Variants in FHOD3 observed in about 807,000 individuals in gnomAD.
The protein encoded by FHOD3 is formin homology 2 domain containing 3, also known as FH1/FH2 domain-containing protein 3.
A neutral mutation model predicts 173.0 loss-of-function variants in FHOD3; 90 were observed. The observed-to-expected ratio is 0.52, with a 90% CI of 0.44 to 0.62. The LOEUF is 0.62. Among genes scored for constraint, FHOD3 ranks in the 20% least tolerant of loss-of-function variants. The pLI, the probability that FHOD3 is intolerant of heterozygous loss-of-function variation, is 0.00. For missense variants in FHOD3, 1,945 were observed against 2,034.7 expected (o/e 0.96, Z 0.85); for synonymous variants, 828 against 823.0 (o/e 1.01, Z -0.10).
At chr18:36,338,302 A>G (rs562002514) in intron 1 of FHOD3, among the ~76,000 whole-genome samples, 1 of 152,258 alleles carries the variant, frequency 6.6e-6, no homozygotes, top group South Asian at 2.1e-4. Context: ...TGTGCTTGGA[A>G]TGGAGGGCAG....
chr18:36,371,178 C>G (rs1165265217), intron 2 of FHOD3, among the ~76,000 whole-genome samples: 1 of 152,196 alleles, frequency 6.6e-6, no homozygotes, highest in African/African-American at 2.4e-5. Context: ...AATGCAGACT[C>G]TACTTGAAGC....
intron 3 of FHOD3, among the ~76,000 whole-genome samples, chr18:36,494,503 C>T (rs1051755444): frequency 6.6e-6 from 1 of 152,306 alleles, no homozygotes; most frequent in Middle Eastern, 3.4e-3. Context: ...TGAGTATACC[C>T]CAGGCAGATT....
At chr18:36,641,199 G>A (rs9949043) in intron 10 of FHOD3, among the ~76,000 whole-genome samples, 10,789 of 152,238 alleles carry the variant, frequency 0.071, 665 homozygotes, top group East Asian at 0.24. Context: ...TGGAGAAACA[G>A]AGCAGGAAAA....
chr18:36,361,331 T>C (rs1457936349), intron 2 of FHOD3, among the ~76,000 whole-genome samples: 2 of 152,152 alleles, frequency 1.3e-5, no homozygotes, highest in Non-Finnish European at 2.9e-5. Flanking sequence ...CCAGAACTGC[T>C]GATCTCTAGG....
At position 36,709,262 on chromosome 18, in the gene FHOD3, A is replaced by C; in HGVS notation, c.2404A>C (p.Ser802Arg). 1.2e-6 allele frequency: 2 copies of C among 1,614,248 alleles called. No individual in the cohort carries two copies. The highest frequency in any genetic ancestry group is 1.6e-4 in the Middle Eastern group (1 of 6,062). ...AGAGCCGGAAGAAAGAGCCTCCCTC[A>C]GTGAAAAAGAGAGGCAGAACGAGGG... Reference protein sequence around the residue: ...EQEPEERASLSEKERQNEGVN... With the variant: ...EQEPEERASLREKERQNEGVN... The change falls in exon 18 of 29, where the codon AGT becomes CGT. Residue 802 changes from serine (S) to arginine (R), a missense_variant. Ser to Arg is a moderately radical substitution (Grantham distance 110). Around this residue, in one of 5 missense-constraint regions of FHOD3, gnomAD observed 1,099 missense variants for 1,051.2 expected, o/e 1.05. Coordinates refer to ENST00000590592, the MANE Select transcript of FHOD3 (RefSeq NM_001281740.3).
At chr18:36,730,421 T>C in intron 19 of FHOD3, among the ~76,000 whole-genome samples, 1 of 152,186 alleles carries the variant, frequency 6.6e-6, no homozygotes, top group East Asian at 1.9e-4. Context: ...CATTTTATTT[T>C]TGTATGTGTC....
intron 3 of FHOD3, 46 bp downstream of exon 3, chr18:36,372,790 C>A (rs938271): frequency 1.3e-6 from 2 of 1,509,124 alleles, no homozygotes; most frequent in Non-Finnish European, 1.8e-6. Context: ...ATGAAAGACG[C>A]GACTTATGGG....
At chr18:36,700,379 C>T (rs926014249) in intron 17 of FHOD3, among the ~76,000 whole-genome samples, 4 of 152,182 alleles carry the variant, frequency 2.6e-5, no homozygotes, top group Non-Finnish European at 5.9e-5. Flanking sequence ...CAGAAACCCC[C>T]ACCCGAAACC....
chr18:36,429,185 C>T (rs976391223), intron 3 of FHOD3, among the ~76,000 whole-genome samples: 14 of 152,142 alleles, frequency 9.2e-5, no homozygotes, highest in African/African-American at 1.2e-4. Flanking sequence ...ACTGACTATC[C>T]GCTTTGTGGA....
At chr18:36,464,776 G>A (rs915061732) in intron 3 of FHOD3, among the ~76,000 whole-genome samples, 2 of 151,842 alleles carry the variant, frequency 1.3e-5, no homozygotes, top group African/African-American at 2.4e-5. Context: ...GAGAGGGTTG[G>A]TTTCAGAGGA....
chr18:36,471,748 TTGTC>T (rs1235331212), intron 3 of FHOD3, among the ~76,000 whole-genome samples: 2 of 152,226 alleles, frequency 1.3e-5, no homozygotes, highest in Non-Finnish European at 2.9e-5. Flanking sequence ...ACACAAATGC[TTGTC>T]TGTCTATCCA....
At chr18:36,644,517 C>T (rs1209446281) in intron 10 of FHOD3, among the ~76,000 whole-genome samples, 3 of 152,172 alleles carry the variant, frequency 2.0e-5, no homozygotes, top group Non-Finnish European at 4.4e-5. Flanking sequence ...GTAGGCCCTC[C>T]AAGTGGGTCA....
chr18:36,592,468 G>C (rs1025771960), intron 6 of FHOD3, among the ~76,000 whole-genome samples: 9 of 152,224 alleles, frequency 5.9e-5, no homozygotes, highest in African/African-American at 1.9e-4. Context: ...AGTGCACTGG[G>C]CCGGAGAGGG....
intron 3 of FHOD3, among the ~76,000 whole-genome samples, chr18:36,468,749 G>A (rs769458578): frequency 1.3e-5 from 2 of 152,176 alleles, no homozygotes; most frequent in Non-Finnish European, 2.9e-5. Context: ...CTTTCCCACA[G>A]GTTTCCTTCT....
chr18:36,380,637 C>T (rs144247367), intron 3 of FHOD3, among the ~76,000 whole-genome samples: 11 of 140,464 alleles, frequency 7.8e-5, no homozygotes, highest in African/African-American at 2.9e-4. Context: ...CCTTTCCTTT[C>T]CTTTCTCTGT....
At chr18:36,519,237 C>T (rs2056147918) in intron 5 of FHOD3, among the ~76,000 whole-genome samples, 1 of 152,190 alleles carries the variant, frequency 6.6e-6, no homozygotes, top group Non-Finnish European at 1.5e-5. Flanking sequence ...ATAGCTCTCC[C>T]CTGGCCTGCC....
chr18:36,302,458 A>T (rs1445026190), intron 1 of FHOD3, among the ~76,000 whole-genome samples: 1 of 152,024 alleles, frequency 6.6e-6, no homozygotes, highest in Admixed American at 6.6e-5. Flanking sequence ...TTTTGTGCAC[A>T]CTGCAGTCTG....
At chr18:36,634,621 G>A (rs2034748088) in intron 10 of FHOD3, among the ~76,000 whole-genome samples, 1 of 152,146 alleles carries the variant, frequency 6.6e-6, no homozygotes, top group African/African-American at 2.4e-5. Context: ...GCTCAGCCCT[G>A]GCTCCTGGAG....
chr18:36,581,146 G>T (rs555153533), intron 6 of FHOD3, among the ~76,000 whole-genome samples: 44 of 152,306 alleles, frequency 2.9e-4, no homozygotes, highest in African/African-American at 9.6e-4. Flanking sequence ...AGAAAAAAGT[G>T]TTTTCAATAA....
Sources: gnomAD v4.1 joint callset for allele counts (sites outside exome capture counted in the v4.1 genomes callset) on GRCh38, gnomAD v4.1.1 for gene constraint, gnomAD v4.1.1 regional missense constraint, MANE v1.5 for transcripts, NCBI Gene and HGNC (gene_info 2026-07-23, HGNC 2026-07-21) for gene names.